Variants in PDHX observed in about 807,000 individuals in gnomAD.
PDHX encodes the protein pyruvate dehydrogenase complex component X.
PDHX carries 33 observed loss-of-function variants against 55.3 expected under a neutral mutation model. The ratio of observed to expected loss-of-function variants is 0.60; its 90% CI spans 0.45 to 0.80. The LOEUF (loss-of-function observed/expected upper bound fraction) is 0.80. Ranked by LOEUF, PDHX falls within the 30% of genes least tolerant of loss-of-function variation. PDHX has a pLI of 0.00. For missense variants in PDHX, 622 were observed against 619.9 expected (o/e 1.00, Z -0.04); for synonymous variants, 226 against 219.4 (o/e 1.03, Z -0.27).
intron 4 of PDHX, among the ~76,000 whole-genome samples, chr11:34,959,461 A>T (rs1023222483): frequency 3.3e-5 from 5 of 152,224 alleles, no homozygotes; most frequent in Admixed American, 6.5e-5. Context: ...GTTGGCAAGG[A>T]CATGGATAAT....
At chr11:34,930,919 ACAG>A (rs1262159867) in intron 1 of PDHX, among the ~76,000 whole-genome samples, 1 of 152,212 alleles carries the variant, frequency 6.6e-6, no homozygotes, top group African/African-American at 2.4e-5. Context: ...GAAAATAAAA[ACAG>A]CCAGTTTCTT....
chr11:34,920,696 C>G (rs1001568246), intron 1 of PDHX, among the ~76,000 whole-genome samples: 5 of 152,136 alleles, frequency 3.3e-5, no homozygotes, highest in African/African-American at 1.2e-4. Context: ...TGTATTACAT[C>G]TTAGCAAGGC....
rs191524984 is a variant in PDHX at position 34,957,487 on chromosome 11, C to T, written c.446C>T (p.Pro149Leu). ...GTTGAAATTCCCAAAGACGTAGGTC[C>T]TCCACCACCAGTTTCAAAACCTTCA... Reference protein sequence around the residue: ...KHVEIPKDVGPPPPVSKPSEP... With the variant: ...KHVEIPKDVGLPPPVSKPSEP... Residue 149 changes from proline to leucine, a missense_variant, in exon 4 of 11, where the codon CCT (proline) becomes CTT (leucine). By Grantham distance (98) the Pro-to-Leu change is moderately conservative. Transcript: ENST00000227868. 5.0e-6 allele frequency: 8 copies of T among 1,613,920 alleles called. No homozygotes were observed. The Admixed American group carries it at 1.3e-4, about 27-fold the overall frequency.
intron 6 of PDHX, among the ~76,000 whole-genome samples, chr11:34,968,138 A>C (rs563803693): frequency 2.6e-5 from 4 of 151,728 alleles, no homozygotes; most frequent in African/African-American, 9.7e-5. Context: ...TGGATGTGGT[A>C]GTGTGTGCCT....
chr11:34,941,886 C>A, intron 2 of PDHX: 1 of 154,420 alleles, frequency 6.5e-6, no homozygotes, highest in South Asian at 2.0e-4. Flanking sequence ...CTGCTCTGGC[C>A]CCTCCTGGGG....
At position 34,942,186 on chromosome 11, in the gene PDHX, T is replaced by C. The variant is rs574482138; in HGVS notation, c.242-5320T>C. On this transcript the variant is annotated intron_variant, in intron 2 of 10. Coordinates refer to ENST00000227868, the MANE Select transcript of PDHX (RefSeq NM_003477.3). Reference sequence around the variant, plus strand: ...TTATACATTAATGTTTGTTGGATGATCTGGTAGAAATGACAGAATATGGAA... The same window carrying C: ...TTATACATTAATGTTTGTTGGATGACCTGGTAGAAATGACAGAATATGGAA... Among the ~76,000 whole-genome samples, 27 of 152,162 alleles carry C rather than the reference T, an allele frequency of 1.8e-4. No individual in the cohort carries two copies. In the East Asian group the frequency reaches 4.8e-3, roughly 27 times the overall value.
At position 34,973,122 on chromosome 11, in the gene PDHX, T is replaced by G. The variant is rs114792671; in HGVS notation, c.964+2836T>G. ...CTTCATGTATCCTGAAGATCTATTA[T>G]TGGCCACATACACAGTTAGGAATTT... On this transcript the variant is annotated intron_variant, in intron 7 of 10. Coordinates refer to ENST00000227868, the MANE Select transcript of PDHX (RefSeq NM_003477.3). Among the ~76,000 whole-genome samples the G allele has an allele frequency of 8.0e-3, 1,213 of 152,290 alleles. 20 individuals carry two copies. The highest frequency in any genetic ancestry group is 0.028 in the African/African-American group (1,166 of 41,568).
intron 8 of PDHX, among the ~76,000 whole-genome samples, chr11:34,982,656 T>C (rs898920998): frequency 6.6e-6 from 1 of 152,054 alleles, no homozygotes; most frequent in African/African-American, 2.4e-5. Context: ...TCTACGTAAA[T>C]AAACCAGAAA....
chr11:34,934,232 C>G (rs1190554021), intron 2 of PDHX, among the ~76,000 whole-genome samples: 1 of 152,170 alleles, frequency 6.6e-6, no homozygotes, highest in African/African-American at 2.4e-5. Flanking sequence ...TTACATGTTT[C>G]CCACTGTGAA....
intron 8 of PDHX, among the ~76,000 whole-genome samples, chr11:34,981,498 T>A (rs183923329): frequency 4.7e-4 from 71 of 152,350 alleles, no homozygotes; most frequent in African/African-American, 1.7e-3. Context: ...TGATTTATAA[T>A]CTTTTGGGTA....
At chr11:34,936,909 C>T (rs1393684544) in intron 2 of PDHX, among the ~76,000 whole-genome samples, 1 of 151,298 alleles carries the variant, frequency 6.6e-6, no homozygotes, top group Non-Finnish European at 1.5e-5. Context: ...GTGCCTCAGC[C>T]TCCCAAGTAG....
chr11:34,916,689 C>T lies in PDHX; in HGVS notation c.34C>T (p.Arg12Trp). ...AASWRLGCDP[R>W]LLRYLVGFPG... ...CTCCTGGAGGCTGGGCTGTGATCCG[C>T]GGCTGCTGCGTTATCTTGTGGGCTT... Residue 12 changes from arginine (R) to tryptophan (W), a missense_variant, in exon 1 of 11, where the codon CGG becomes TGG. Arg to Trp is a moderately radical substitution (Grantham distance 101). Transcript: ENST00000227868. 1 of 1,611,956 alleles carries T rather than the reference C, an allele frequency of 6.2e-7. No individual in the cohort carries two copies. Among genetic ancestry groups the T allele is most frequent in the Middle Eastern group, 1.8e-4 (1 of 5,422 alleles).
At chr11:34,920,422 A>G (rs3794166) in intron 1 of PDHX, among the ~76,000 whole-genome samples, 28,784 of 152,140 alleles carry the variant, frequency 0.19, 3,887 homozygotes, top group African/African-American at 0.39. Flanking sequence ...TAAGGAAGCT[A>G]GTAATCTAGG....
chr11:34,960,167 C>T (rs1359789570), intron 4 of PDHX, among the ~76,000 whole-genome samples: 1 of 152,116 alleles, frequency 6.6e-6, no homozygotes, highest in Non-Finnish European at 1.5e-5. Context: ...GAAATAGCAG[C>T]TCTTTCCCCT....
intron 1 of PDHX, 122 bp downstream of exon 1, chr11:34,916,937 CT>C: frequency 1.0e-6 from 1 of 994,476 alleles, no homozygotes; most frequent in Non-Finnish European, 1.5e-6. Context: ...ATTCCCTTTC[CT>C]CTTTCTCCGG....
intron 2 of PDHX, among the ~76,000 whole-genome samples, chr11:34,938,804 T>C (rs1470687356): frequency 6.6e-6 from 1 of 152,248 alleles, no homozygotes; most frequent in Non-Finnish European, 1.5e-5. Context: ...CTGTTCTTTT[T>C]TCCTTTTGAT....
chr11:34,916,185 C>G (rs1432347197), upstream of PDHX: 1 of 1,593,514 alleles, frequency 6.3e-7, no homozygotes. Context: ...CCGCCTGGGC[C>G]TCTCCTCCTG....
At position 34,987,950 on chromosome 11, in the gene PDHX, G is replaced by C. The variant is rs543016583; in HGVS notation, c.1182+3222G>C. 3.3e-5 allele frequency among the ~76,000 whole-genome samples: 5 copies of C among 152,186 alleles called. No individual in the cohort carries two copies. In the East Asian group the frequency reaches 9.6e-4, roughly 29 times the overall value. ...TATATTTTACCGCATCCCCCAAAAA[G>C]GGTAGACAGTAAATGTTACATTTAT... On this transcript the variant is annotated intron_variant, in intron 9 of 10. Transcript: ENST00000227868.
chr11:34,916,023 G>T (rs1853673351), upstream of PDHX: 3 of 649,702 alleles, frequency 4.6e-6, no homozygotes, highest in East Asian at 9.0e-5. Context: ...GGAGCGCCCC[G>T]CCCGAGACCA....
Sources: allele counts gnomAD v4.1 joint callset (sites outside exome capture counted in the v4.1 genomes callset), GRCh38; gene constraint gnomAD v4.1.1; transcripts MANE v1.5; gene names NCBI Gene and HGNC (gene_info 2026-07-23, HGNC 2026-07-21).